The following SLC27A6 variants were observed in gnomAD, a reference collection of about 807,000 sequenced individuals.
The protein encoded by SLC27A6 is long-chain fatty acid transport protein 6.
In SLC27A6, 74 loss-of-function variants were observed where a neutral mutation model predicts 63.9. That is an observed-to-expected ratio of 1.16 (90% CI 0.96 to 1.40). The LOEUF is 1.40. Among genes scored for constraint, SLC27A6 ranks in the 40% most tolerant of loss-of-function variants. The pLI is 0.00. For missense variants in SLC27A6, 794 were observed against 732.9 expected (o/e 1.08, Z -0.96); for synonymous variants, 287 against 260.8 (o/e 1.10, Z -0.97).
Position 128,988,584 on chromosome 5 carries a change from T to G in SLC27A6, c.686-16T>G, listed in dbSNP as rs1474290958. The G allele has an allele frequency of 3.7e-6, 6 of 1,610,160 alleles. No homozygotes were observed. Among genetic ancestry groups the G allele is most frequent in the Non-Finnish European group, 4.2e-6 (5 of 1,177,170 alleles). On this transcript the variant is annotated splice_polypyrimidine_tract_variant and intron_variant, in intron 2 of 9. Coordinates refer to ENST00000262462, the MANE Select transcript of SLC27A6 (RefSeq NM_001017372.3). ...ATGTGTGTATATATATTTCCTGTTC[T>G]TTTCTTTTCTTCCAGGTCTACCAAA...
intron 4 of SLC27A6, among the ~76,000 whole-genome samples, chr5:128,999,877 C>T (rs1372324875): frequency 6.6e-6 from 1 of 152,110 alleles, no homozygotes; most frequent in East Asian, 1.9e-4. Flanking sequence ...ATACATGCAT[C>T]AAGAGAATAC....
rs147533970 is a variant in SLC27A6 at position 128,976,861 on chromosome 5, G to GT, written c.482-8266dup. ...TGAAAGAGTTCCGGGTAATTGAATA[G>GT]TTTTTTAAAGGTCTCTATTTATAAG... On this transcript the variant is annotated intron_variant, in intron 1 of 9. Transcript: ENST00000262462. 1.3e-3 allele frequency among the ~76,000 whole-genome samples: 203 copies of GT among 152,322 alleles called. 2 individuals carry two copies. The East Asian group carries it at 0.034, about 25-fold the overall frequency.
intron 1 of SLC27A6, among the ~76,000 whole-genome samples, chr5:128,976,573 C>G (rs1377659888): frequency 1.3e-5 from 2 of 152,152 alleles, no homozygotes; most frequent in South Asian, 2.1e-4. Context: ...TTTCCTCTGA[C>G]TCTTTTTCTT....
intron 6 of SLC27A6, among the ~76,000 whole-genome samples, chr5:129,024,301 T>C (rs1752166977): frequency 6.6e-6 from 1 of 152,182 alleles, no homozygotes; most frequent in Non-Finnish European, 1.5e-5. Flanking sequence ...ATGTCCTATA[T>C]TGCCAAACTA....
In SLC27A6 at chr5:129,012,189, A is replaced by C. The variant is rs547121109; in HGVS notation, c.970-3696A>C. On this transcript the variant is annotated intron_variant, in intron 4 of 9. Transcript: ENST00000262462. ...TTATACAGTTCAAAATACTTTTTAA[A>C]TTTTCATTGTAATTTTTTTTTCTTT... 1.9e-3 allele frequency among the ~76,000 whole-genome samples: 288 copies of C among 151,836 alleles called. 2 individuals are homozygous for C. The highest frequency in any genetic ancestry group is 6.6e-3 in the African/African-American group (275 of 41,466).
At chr5:128,978,061 A>G (rs1044253131) in intron 1 of SLC27A6, among the ~76,000 whole-genome samples, 5 of 152,194 alleles carry the variant, frequency 3.3e-5, no homozygotes, top group Middle Eastern at 3.2e-3. Flanking sequence ...GCCATTTGAT[A>G]TATGTTCTAA....
intron 7 of SLC27A6, among the ~76,000 whole-genome samples, chr5:129,027,923 T>C (rs1580750786): frequency 6.6e-6 from 1 of 151,984 alleles, no homozygotes. Flanking sequence ...TTTAAGTGGG[T>C]CAGAGTCAAA....
intron 5 of SLC27A6, among the ~76,000 whole-genome samples, chr5:129,016,310 G>A (rs1159482179): frequency 6.8e-6 from 1 of 146,526 alleles, no homozygotes; most frequent in Non-Finnish European, 1.5e-5. Flanking sequence ...GCAGGAGAAT[G>A]GCATGAACCC....
rs116538468 is a variant in SLC27A6, at chr5:128,976,160, T to C, written c.482-8973T>C. 6.3e-3 allele frequency among the ~76,000 whole-genome samples: 954 copies of C among 152,242 alleles called. 17 individuals are homozygous for C. Among genetic ancestry groups the C allele is most frequent in the African/African-American group, 0.022 (901 of 41,538 alleles). On this transcript the variant is annotated intron_variant, in intron 1 of 9. Coordinates refer to ENST00000262462, the MANE Select transcript of SLC27A6 (RefSeq NM_001017372.3). ...ATATCATAGTATGTAGGTAAGATAATAAAAGTTCACATGAGCTATGTATTT... is the reference window on the plus strand; with the variant it reads ...ATATCATAGTATGTAGGTAAGATAACAAAAGTTCACATGAGCTATGTATTT...
chr5:128,999,160 C>T (rs1751252349), intron 4 of SLC27A6, among the ~76,000 whole-genome samples: 1 of 151,992 alleles, frequency 6.6e-6, no homozygotes, highest in Non-Finnish European at 1.5e-5. Flanking sequence ...TGAGTTAACT[C>T]AAGTAGAAAC....
chr5:128,999,451 T>C (rs1751261378), intron 4 of SLC27A6, among the ~76,000 whole-genome samples: 1 of 152,072 alleles, frequency 6.6e-6, no homozygotes, highest in South Asian at 2.1e-4. Flanking sequence ...CGCTATATTG[T>C]CACTCCATGG....
chr5:128,967,806 C>G (rs967026445), intron 1 of SLC27A6, among the ~76,000 whole-genome samples: 4 of 152,010 alleles, frequency 2.6e-5, no homozygotes, highest in Non-Finnish European at 5.9e-5. Flanking sequence ...TACATGTGCA[C>G]AAAGTGCAGG....
chr5:129,013,786 G>A (rs1751804435), intron 4 of SLC27A6, among the ~76,000 whole-genome samples: 1 of 151,752 alleles, frequency 6.6e-6, no homozygotes, highest in Admixed American at 6.6e-5. Flanking sequence ...TATTCTATAG[G>A]GCTCCACTTG....
At chr5:128,972,904 T>C (rs1433755519) in intron 1 of SLC27A6, among the ~76,000 whole-genome samples, 1 of 152,240 alleles carries the variant, frequency 6.6e-6, no homozygotes, top group Non-Finnish European at 1.5e-5. Context: ...TTTGTGGTTT[T>C]ATTTACCCTT....
intron 6 of SLC27A6, among the ~76,000 whole-genome samples, chr5:129,024,023 C>A (rs1752160182): frequency 6.6e-6 from 1 of 151,206 alleles, no homozygotes; most frequent in African/African-American, 2.4e-5. Context: ...TATTTTCTAT[C>A]CAAGGTTGGT....
chr5:128,970,225 CT>C (rs36175436), intron 1 of SLC27A6, among the ~76,000 whole-genome samples: 36,340 of 151,522 alleles, frequency 0.24, 4,909 homozygotes, highest in Middle Eastern at 0.33. Flanking sequence ...CTAAAATTCT[CT>C]TTTTTTGTTG....
At chr5:129,031,589 T>C (rs1014047640) in intron 9 of SLC27A6, among the ~76,000 whole-genome samples, 1 of 151,976 alleles carries the variant, frequency 6.6e-6, no homozygotes, top group Non-Finnish European at 1.5e-5. Flanking sequence ...CAAAGATGTA[T>C]AAAGATTTTA....
intron 1 of SLC27A6, among the ~76,000 whole-genome samples, chr5:128,983,098 C>G (rs754013555): frequency 1.3e-5 from 2 of 152,062 alleles, no homozygotes; most frequent in East Asian, 3.9e-4. Flanking sequence ...GATAGTTGGC[C>G]TTTTGAGGGA....
intron 1 of SLC27A6, among the ~76,000 whole-genome samples, chr5:128,975,825 C>G (rs1750357494): frequency 6.6e-6 from 1 of 152,054 alleles, no homozygotes; most frequent in South Asian, 2.1e-4. Flanking sequence ...AGCATCATTC[C>G]CTTTCAGTAA....
Sources: gnomAD v4.1 joint callset for allele counts (sites outside exome capture counted in the v4.1 genomes callset) on GRCh38, gnomAD v4.1.1 for gene constraint, MANE v1.5 for transcripts, NCBI Gene and HGNC (gene_info 2026-07-23, HGNC 2026-07-21) for gene names.